CSF2RB: variants seen among roughly 807,000 people sequenced by gnomAD.
The protein encoded by CSF2RB is cytokine receptor common subunit beta.
A neutral mutation model predicts 67.2 loss-of-function variants in CSF2RB; 22 were observed. That is an observed-to-expected ratio of 0.33 (90% CI 0.23 to 0.47). The LOEUF is 0.47. CSF2RB is among the 20% of genes least tolerant of loss of function. The pLI, the probability that CSF2RB is intolerant of heterozygous loss-of-function variation, is 1.00. For synonymous variants in CSF2RB, 507 were observed against 482.9 expected (o/e 1.05, Z -0.65); for missense variants, 1,113 against 1,174.5 (o/e 0.95, Z 0.76).
chr22:36,922,257 GGGAGC>G lies in CSF2RB; in HGVS notation c.52_56del (p.Glu18GlnfsTer48). 1 of 1,584,402 alleles carries G rather than the reference GGGAGC, an allele frequency of 6.3e-7. No individual in the cohort carries two copies. The highest frequency in any genetic ancestry group is 8.6e-7 in the Non-Finnish European group (1 of 1,165,764). On this transcript the variant is annotated frameshift_variant, in exon 2 of 14. Coordinates refer to ENST00000403662, the MANE Select transcript of CSF2RB (RefSeq NM_000395.3). LOFTEE classifies it high-confidence loss of function. The stretch of plus-strand genomic sequence containing the variant: ...TCCATGGCCCTGCTGGCCCTGTGCT[GGGAGC>G]GCAGCCTGGCAGGGGCAGAAGGTGA...
intron 1 of CSF2RB, among the ~76,000 whole-genome samples, chr22:36,921,799 A>G (rs536543256): frequency 6.6e-6 from 1 of 152,270 alleles, no homozygotes; most frequent in East Asian, 1.9e-4. Context: ...GTCAAATCCT[A>G]GGCCCCTGTC....
chr22:36,930,669 T>A lies in CSF2RB; in HGVS notation c.855-4T>A. The A allele has an allele frequency of 6.2e-7, 1 of 1,612,372 alleles. No individual in the cohort carries two copies. Among genetic ancestry groups the A allele is most frequent in the Non-Finnish European group, 8.5e-7 (1 of 1,179,980 alleles). Reference sequence around the variant, plus strand: ...CCTGCCCTCAGCTCTGCTGTGCTCCTCAGGGAGGAAGAGTGCTCCCCAGTG... The same window carrying A: ...CCTGCCCTCAGCTCTGCTGTGCTCCACAGGGAGGAAGAGTGCTCCCCAGTG... On this transcript the variant is annotated splice_polypyrimidine_tract_variant and splice_region_variant and intron_variant, in intron 7 of 13. Transcript: ENST00000403662.
At chr22:36,927,931 G>A (rs551019282) in intron 4 of CSF2RB, among the ~76,000 whole-genome samples, 13 of 152,132 alleles carry the variant, frequency 8.5e-5, no homozygotes, top group South Asian at 2.1e-4. Context: ...TTCCTTGAGC[G>A]CCTACATAAG....
chr22:36,918,665 T>A (rs765925061), intron 1 of CSF2RB, among the ~76,000 whole-genome samples: 4 of 152,234 alleles, frequency 2.6e-5, no homozygotes, highest in Admixed American at 6.5e-5. Context: ...GAAAGCCCTG[T>A]GAAGCTTTCC....
chr22:36,930,919 C>A (rs1941136558), intron 8 of CSF2RB, 89 bp downstream of exon 8: 6 of 1,477,286 alleles, frequency 4.1e-6, no homozygotes, highest in African/African-American at 1.4e-5. Flanking sequence ...TTCCTCCTGG[C>A]CCCGTCTTCA....
intron 1 of CSF2RB, among the ~76,000 whole-genome samples, chr22:36,920,152 T>C (rs990212670): frequency 6.6e-6 from 1 of 152,270 alleles, no homozygotes; most frequent in East Asian, 1.9e-4. Context: ...GAATAATGCC[T>C]GGCTCATGGA....
Position 36,937,822 on chromosome 22 carries a change from G to T in CSF2RB, c.2014G>T (p.Gly672Ter). The change falls in exon 14 of 14, where the codon GGA becomes TGA. Residue 672 changes from glycine (G) to a stop codon, truncating the protein, a stop_gained. Coordinates refer to ENST00000403662, the MANE Select transcript of CSF2RB (RefSeq NM_000395.3). LOFTEE classifies it low-confidence loss of function (END_TRUNC). This position sits in a 1 kb window ranked among gnomAD's most constrained non-coding sequence, Gnocchi z 4.6. ...AAGSPSLESG[G>*]GPAPPALGPR... ...AGGGAGTCCCTCCCTGGAGTCCGGG[G>T]GAGGCCCTGCCCCTCCTGCTCTTGG... 2 of 1,607,396 alleles carry T rather than the reference G, an allele frequency of 1.2e-6. No homozygotes were observed.
intron 3 of CSF2RB, chr22:36,923,947 C>A (rs1601582335): frequency 2.5e-6 from 1 of 397,610 alleles, no homozygotes; most frequent in East Asian, 7.4e-5. Context: ...CACCCAAGCT[C>A]TCCTGGGCAC....
intron 13 of CSF2RB, 99 bp downstream of exon 13, chr22:36,936,751 A>G: frequency 2.9e-6 from 3 of 1,027,200 alleles, no homozygotes; most frequent in Admixed American, 2.0e-5. Flanking sequence ...CCTGTGGCTC[A>G]CTGTGAAGGG....
Position 36,937,757 on chromosome 22 carries a change from A to T in CSF2RB, c.1949A>T (p.Gln650Leu). ...CTGGCCCAGGCGATGGGACCAGGACAGGCCGTGGAAGTGGAGAGAAGGCCG... is the reference window on the plus strand; with the variant it reads ...CTGGCCCAGGCGATGGGACCAGGACTGGCCGTGGAAGTGGAGAGAAGGCCG... ...VPLAQAMGPGQAVEVERRPSQ... is the reference protein window; with the variant it reads ...VPLAQAMGPGLAVEVERRPSQ... Residue 650 changes from glutamine (Q) to leucine (L), a missense_variant, in exon 14 of 14, where the codon CAG becomes CTG. Physicochemically the swap from Gln to Leu is moderately radical, Grantham distance 113 (BLOSUM62 -2). Transcript: ENST00000403662. This position sits in a 1 kb window ranked among gnomAD's most constrained non-coding sequence, Gnocchi z 4.6. 1 of 1,572,206 alleles carries T rather than the reference A, an allele frequency of 6.4e-7. No individual in the cohort carries two copies. The highest frequency in any genetic ancestry group is 1.9e-5 in the Admixed American group (1 of 52,534).
Position 36,926,047 on chromosome 22 carries a change from C to G in CSF2RB, c.261C>G (p.Pro87=). The G allele has an allele frequency of 1.9e-6, 3 of 1,614,222 alleles. No homozygotes were observed. The highest frequency in any genetic ancestry group is 2.5e-6 in the Non-Finnish European group (3 of 1,180,038). Residue 87 remains proline, a synonymous_variant, in exon 4 of 14, where the codon CCC becomes CCG. Transcript: ENST00000403662. ...ATGACATGCCCTGGTCAGCCTGCCC[C>G]CATCCCCGCTGCGTGCCCAGGAGAT... ...LSDDMPWSAC[P]HPRCVPRRCV... is the part of the protein sequence containing the mutation.
rs774147280 is a variant in CSF2RB at position 36,935,464 on chromosome 22, G to C, written c.1406+23G>C. 6.9e-5 allele frequency: 112 copies of C among 1,612,542 alleles called. 1 individual carries two copies. Among genetic ancestry groups the C allele is most frequent in the Non-Finnish European group, 8.5e-5 (100 of 1,178,716 alleles). On this transcript the variant is annotated intron_variant, in intron 11 of 13. Coordinates refer to ENST00000403662, the MANE Select transcript of CSF2RB (RefSeq NM_000395.3). The stretch of plus-strand genomic sequence containing the variant: ...CAGGTGAGGGGACTCTGTGGGGCTG[G>C]AGGTGGCAGCCGAGACCCCAGAGGG...
At chr22:36,928,732 C>T (rs1226055944) in intron 4 of CSF2RB, among the ~76,000 whole-genome samples, 1 of 152,166 alleles carries the variant, frequency 6.6e-6, no homozygotes, top group Non-Finnish European at 1.5e-5. Context: ...ACTCATTCAC[C>T]TTGCCCCATA....
chr22:36,922,245 TG>T lies in CSF2RB; in HGVS notation c.40del (p.Ala14ProfsTer46). The T allele has an allele frequency of 6.3e-7, 1 of 1,589,438 alleles. No homozygotes were observed. The highest frequency in any genetic ancestry group is 1.1e-5 in the South Asian group (1 of 87,110). On this transcript the variant is annotated frameshift_variant, in exon 2 of 14. Coordinates refer to ENST00000403662, the MANE Select transcript of CSF2RB (RefSeq NM_000395.3). LOFTEE classifies it high-confidence loss of function. ...LAQGLLSMAL[L>X]ALCWERSLAG... The stretch of plus-strand genomic sequence containing the variant: ...CAGGGGCTGCTCTCCATGGCCCTGC[TG>T]GCCCTGTGCTGGGAGCGCAGCCTGG...
chr22:36,923,424 G>A, intron 3 of CSF2RB, 57 bp downstream of exon 3: 2 of 1,591,666 alleles, frequency 1.3e-6, no homozygotes, highest in Non-Finnish European at 1.7e-6. Context: ...CCCTGTGCCT[G>A]GCATGGGGCG....
At chr22:36,924,518 G>A (rs76100949) in intron 3 of CSF2RB, among the ~76,000 whole-genome samples, 2,090 of 152,140 alleles carry the variant, frequency 0.014, 51 homozygotes, top group African/African-American at 0.048. Context: ...GCAACCCTGC[G>A]GCCCCTCTTT....
intron 6 of CSF2RB, among the ~76,000 whole-genome samples, 187 bp from the exon 7 acceptor site, chr22:36,930,188 A>G (rs997685750): frequency 1.3e-5 from 2 of 151,344 alleles, no homozygotes; most frequent in Non-Finnish European, 2.9e-5. Flanking sequence ...GTGCAGGTGC[A>G]CAGAACTCTC....
At chr22:36,922,369 C>A in intron 2 of CSF2RB, 86 bp downstream of exon 2, 1 of 1,335,464 alleles carries the variant, frequency 7.5e-7, no homozygotes, top group Non-Finnish European at 1.0e-6. Context: ...CCTCAGGATC[C>A]TGCCCGCCAG....
chr22:36,929,260 G>A, intron 4 of CSF2RB, 142 bp from the exon 5 acceptor site: 1 of 1,039,420 alleles, frequency 9.6e-7, no homozygotes, highest in Non-Finnish European at 1.5e-6. Flanking sequence ...GCTCACAGAG[G>A]AGACGGGTCT....
Sources: allele counts gnomAD v4.1 joint callset (sites outside exome capture counted in the v4.1 genomes callset), GRCh38; gene constraint gnomAD v4.1.1; non-coding constraint Gnocchi (gnomAD v3.1); transcripts MANE v1.5; gene names NCBI Gene and HGNC (gene_info 2026-07-23, HGNC 2026-07-21).